The following REST variants were observed in gnomAD, a reference collection of about 807,000 sequenced individuals.
REST encodes the protein RE1 silencing transcription factor.
REST carries 1 observed loss-of-function variant against 30.4 expected under a neutral mutation model. The observed-to-expected ratio is 0.03, with a 90% CI of 0.01 to 0.16. The LOEUF is 0.16. REST is among the 10% of genes least tolerant of loss of function. The probability of loss-of-function intolerance (pLI) is 1.00; values close to 1 mark genes in which losing one functional copy is unlikely to be tolerated. For synonymous variants in REST, 504 were observed against 451.1 expected, an observed-to-expected ratio of 1.12 and a Z score of -1.49; for missense variants, 1,259 against 1,329.5, an observed-to-expected ratio of 0.95 and a Z score of 0.82.
intron 3 of REST, among the ~76,000 whole-genome samples, chr4:56,921,717 T>A (rs1720461259): frequency 6.6e-6 from 1 of 152,184 alleles, no homozygotes; most frequent in Admixed American, 6.5e-5. Context: ...GCCACAGATT[T>A]CAAACAATGT....
At position 56,925,622 on chromosome 4, in the gene REST, T is replaced by C. The variant is rs190177427; in HGVS notation, c.983-4219T>C. Among the ~76,000 whole-genome samples the C allele has an allele frequency of 2.6e-5, 4 of 152,270 alleles. No individual in the cohort carries two copies. The East Asian group carries it at 5.8e-4, about 22-fold the overall frequency. ...CATTTCGGAGGCATAAAACAGACAA[T>C]TGGTAGATTTATAAAGAAGAGAACC... On this transcript the variant is annotated intron_variant, in intron 3 of 3. Transcript: ENST00000309042.
intron 3 of REST, among the ~76,000 whole-genome samples, chr4:56,926,007 C>T (rs1460599965): frequency 6.6e-6 from 1 of 152,126 alleles, no homozygotes; most frequent in Non-Finnish European, 1.5e-5. Flanking sequence ...ATAAATTCCA[C>T]TTATCTATTT....
chr4:56,921,807 T>C (rs1190688907), intron 3 of REST, among the ~76,000 whole-genome samples: 1 of 152,232 alleles, frequency 6.6e-6, no homozygotes, highest in Non-Finnish European at 1.5e-5. Context: ...AAGTTGATCA[T>C]ATGGCAAAAT....
rs867254323 is a variant in REST at position 56,932,027 on chromosome 4, A to G, written c.3169A>G (p.Lys1057Glu). Residue 1057 changes from lysine to glutamate, a missense_variant, in exon 4 of 4, where the codon AAG becomes GAG. Lys to Glu is a moderately conservative substitution (Grantham distance 56). Transcript: ENST00000309042. ...GGAAGCCTTGGCAGTCAAAGCGGCT[A>G]AGGGAGATTTTGTTTGTATCTTCTG... ...AKEALAVKAA[K>E]GDFVCIFCDR... 11 of 1,614,238 alleles carry G rather than the reference A, an allele frequency of 6.8e-6. No individual in the cohort carries two copies. Among genetic ancestry groups the G allele is most frequent in the African/African-American group, 6.7e-5 (5 of 75,068 alleles).
rs1351837237 is a variant in REST, at chr4:56,935,659, A to G, written c.*3507A>G. The G allele has an allele frequency of 6.6e-6, 1 of 152,242 alleles. No individual in the cohort carries two copies. The highest frequency in any genetic ancestry group is 1.5e-5 in the Non-Finnish European group (1 of 68,044). The allele number at this position is 152,242 out of a possible 1,614,324, so 9.4% of individuals were successfully genotyped here. On this transcript the variant is annotated 3_prime_UTR_variant, in exon 4 of 4. Transcript: ENST00000309042. ...CTTCTTTAGCAGCATTTGATGGAAG[A>G]TCTTTTATACATTTGTAATAGATAA...
chr4:56,916,401 C>A (rs979032666), intron 2 of REST, among the ~76,000 whole-genome samples: 1 of 152,106 alleles, frequency 6.6e-6, no homozygotes, highest in African/African-American at 2.4e-5. Flanking sequence ...ATGGCTCATG[C>A]CTGTAATCCC....
rs35354515 is a variant in REST, at chr4:56,920,732, ACT to A, written c.982+865_982+866del. On this transcript the variant is annotated intron_variant, in intron 3 of 3. Transcript: ENST00000309042. ...CCGAGATCACGCCATCAAGAGCGAA[ACT>A]CTATCTTGAAAAAAAAGTCCCTATT... 7.5e-3 allele frequency among the ~76,000 whole-genome samples: 1,143 copies of A among 152,072 alleles called. 14 individuals are homozygous for A. Among genetic ancestry groups the A allele is most frequent in the African/African-American group, 0.026 (1,067 of 41,476 alleles).
intron 2 of REST, 137 bp from the exon 3 acceptor site, chr4:56,919,650 G>C: frequency 2.2e-6 from 1 of 462,582 alleles, no homozygotes; most frequent in East Asian, 3.1e-5. Context: ...ATGATAAATT[G>C]ATCTTTTTGC....
rs1047908842 is a variant in REST, at chr4:56,934,545, C to T, written c.*2393C>T. On this transcript the variant is annotated 3_prime_UTR_variant, in exon 4 of 4. Coordinates refer to ENST00000309042, the MANE Select transcript of REST (RefSeq NM_005612.5). ...AGAAAATAAGGACTTGATTGTCAGG[C>T]CTATATTAGGTTCTGAACCTTAATG... The T allele has an allele frequency of 3.3e-5, 5 of 152,080 alleles. No individual in the cohort carries two copies. Among genetic ancestry groups the T allele is most frequent in the African/African-American group, 1.2e-4 (5 of 41,412 alleles). The allele number at this position is 152,080 out of a possible 1,614,324, so 9.4% of individuals were successfully genotyped here.
In REST at chr4:56,932,155, A is replaced by G; in HGVS notation, c.*3A>G. ...AAGCAGCTCAAGGGCAGGAGTAATG[A>G]AACTTTGAACAAGGTTTCAGTTCTT... is the stretch of plus-strand genomic sequence containing the variant. On this transcript the variant is annotated 3_prime_UTR_variant, in exon 4 of 4. Transcript: ENST00000309042. The G allele has an allele frequency of 6.3e-7, 1 of 1,592,176 alleles. No individual in the cohort carries two copies. Among genetic ancestry groups the G allele is most frequent in the Non-Finnish European group, 8.6e-7 (1 of 1,168,874 alleles).
chr4:56,913,436 G>A (rs904201652), intron 2 of REST, among the ~76,000 whole-genome samples: 5 of 152,074 alleles, frequency 3.3e-5, no homozygotes, highest in Admixed American at 3.3e-4. Flanking sequence ...CATTTTCTTG[G>A]TAAGAATTGG....
chr4:56,924,008 A>T (rs996173659), intron 3 of REST, among the ~76,000 whole-genome samples: 1 of 152,126 alleles, frequency 6.6e-6, no homozygotes, highest in Non-Finnish European at 1.5e-5. Flanking sequence ...GGCGTGAGCC[A>T]CCACACCCGG....
chr4:56,914,923 T>C (rs1720112127), intron 2 of REST, among the ~76,000 whole-genome samples: 4 of 20,062 alleles, frequency 2.0e-4, no homozygotes, highest in Non-Finnish European at 4.4e-4. Context: ...TTTTTTTAAC[T>C]TTTTTTTTTT....
chr4:56,930,465 A>T lies in REST; in HGVS notation c.1607A>T (p.Asp536Val). Reference sequence around the variant, plus strand: ...CATTCTTTACATGGTCCTGTGAATGATGAGGAATCTTCAACAAAAAAGAAA... The same window carrying T: ...CATTCTTTACATGGTCCTGTGAATGTTGAGGAATCTTCAACAAAAAAGAAA... Reference protein sequence around the residue: ...DSHSLHGPVNDEESSTKKKKK... With the variant: ...DSHSLHGPVNVEESSTKKKKK... Residue 536 changes from aspartate (D) to valine (V), a missense_variant, in exon 4 of 4, where the codon GAT becomes GTT. Physicochemically the swap from Asp to Val is radical, Grantham distance 152. This residue lies in a region of REST where 856 missense variants were observed against 772.8 expected (regional missense o/e 1.11). Coordinates refer to ENST00000309042, the MANE Select transcript of REST (RefSeq NM_005612.5). 1 of 1,613,196 alleles carries T rather than the reference A, an allele frequency of 6.2e-7. No homozygotes were observed. The highest frequency in any genetic ancestry group is 8.5e-7 in the Non-Finnish European group (1 of 1,179,846).
intron 2 of REST, among the ~76,000 whole-genome samples, chr4:56,913,043 C>T (rs912770757): frequency 1.2e-4 from 19 of 152,252 alleles, no homozygotes; most frequent in African/African-American, 4.3e-4. Flanking sequence ...AGTGATCCTC[C>T]TGCCACAGTC....
chr4:56,931,438 CTCACCACCA>C lies in REST; in HGVS notation c.2590_2598del (p.Ser864_Pro866del), dbSNP rs763567954. Reference sequence around the variant, plus strand: ...AGGAAAGTGTAAGCACAGAGGATCTCTCACCACCATCACCACCACTGCCAAAGGAAAATT... The same window carrying C: ...AGGAAAGTGTAAGCACAGAGGATCTCTCACCACCACTGCCAAAGGAAAATT... On this transcript the variant is annotated inframe_deletion, in exon 4 of 4. Transcript: ENST00000309042. The C allele has an allele frequency of 2.5e-6, 4 of 1,614,206 alleles. No homozygotes were observed. The East Asian group carries it at 8.9e-5, about 36-fold the overall frequency.
rs756063859 is a variant in REST, at chr4:56,930,795, C to G, written c.1937C>G (p.Pro646Arg). The G allele has an allele frequency of 2.5e-5, 40 of 1,606,280 alleles. No individual in the cohort carries two copies. The highest frequency in any genetic ancestry group is 3.2e-5 in the Non-Finnish European group (38 of 1,176,432). Residue 646 changes from proline to arginine, a missense_variant, in exon 4 of 4, where the codon CCT becomes CGT. Pro to Arg is a moderately radical substitution (Grantham distance 103). Coordinates refer to ENST00000309042, the MANE Select transcript of REST (RefSeq NM_005612.5). Reference sequence around the variant, plus strand: ...CAGATGGAGGGTGCCCAGATACGGCCTGCTCCTGACGAGCCTGTTCAGATG... The same window carrying G: ...CAGATGGAGGGTGCCCAGATACGGCGTGCTCCTGACGAGCCTGTTCAGATG... ...HAQMEGAQIR[P>R]APDEPVQMEV...
At chr4:56,912,339 C>CT (rs11318390) in intron 2 of REST, among the ~76,000 whole-genome samples, 5,304 of 112,680 alleles carry the variant, frequency 0.047, 150 homozygotes, top group Middle Eastern at 0.066. Flanking sequence ...AAAGTTGAAA[C>CT]TTTTTTTTTT....
At chr4:56,923,277 G>T (rs1720534891) in intron 3 of REST, among the ~76,000 whole-genome samples, 2 of 152,142 alleles carry the variant, frequency 1.3e-5, no homozygotes, top group Admixed American at 1.3e-4. Context: ...TAATTTTGTT[G>T]TTGTTGTTTT....
Sources: gnomAD v4.1 joint callset for allele counts (sites outside exome capture counted in the v4.1 genomes callset) on GRCh38, gnomAD v4.1.1 for gene constraint, gnomAD v4.1.1 regional missense constraint, MANE v1.5 for transcripts, NCBI Gene and HGNC (gene_info 2026-07-23, HGNC 2026-07-21) for gene names.